The following MAGI2 variants were observed in gnomAD, a reference collection of about 807,000 sequenced individuals.
MAGI2 encodes the protein membrane-associated guanylate kinase, WW and PDZ domain-containing protein 2.
A neutral mutation model predicts 133.3 loss-of-function variants in MAGI2; 35 were observed. The ratio of observed to expected loss-of-function variants is 0.26; its 90% confidence interval spans 0.20 to 0.35. MAGI2 has a LOEUF of 0.35. Among genes scored for constraint, MAGI2 ranks in the 10% least tolerant of loss-of-function variants. The pLI is 1.00. For missense variants in MAGI2, 1,636 were observed against 1,863.4 expected, an observed-to-expected ratio of 0.88 and a Z score of 2.25; for synonymous variants, 729 against 710.6, an observed-to-expected ratio of 1.03 and a Z score of -0.41.
At chr7:78,892,663 A>C (rs1436096092) in intron 2 of MAGI2, among the ~76,000 whole-genome samples, 1 of 152,206 alleles carries the variant, frequency 6.6e-6, no homozygotes, top group Non-Finnish European at 1.5e-5. Context: ...TGCTGGGAAA[A>C]CTGGCTAGCC....
chr7:79,434,090 T>G (rs1847974083), intron 1 of MAGI2, among the ~76,000 whole-genome samples: 1 of 151,900 alleles, frequency 6.6e-6, no homozygotes, highest in African/African-American at 2.4e-5. Flanking sequence ...CTGAAACAAA[T>G]CTTATACTAG....
intron 2 of MAGI2, among the ~76,000 whole-genome samples, chr7:78,797,102 G>C (rs1787679447): frequency 6.6e-6 from 1 of 152,044 alleles, no homozygotes; most frequent in South Asian, 2.1e-4. Flanking sequence ...ATGATTTACT[G>C]AATATTTCAA....
chr7:79,424,963 C>T (rs4236606), intron 1 of MAGI2, among the ~76,000 whole-genome samples: 37,408 of 151,874 alleles, frequency 0.25, 6,682 homozygotes, highest in African/African-American at 0.51. Context: ...TACACTATTG[C>T]GACTAAGTTC....
intron 1 of MAGI2, among the ~76,000 whole-genome samples, chr7:79,398,840 A>T (rs1055044063): frequency 3.3e-5 from 5 of 152,178 alleles, no homozygotes; most frequent in African/African-American, 1.2e-4. Flanking sequence ...ACTACAAGTA[A>T]AAAAGAATTG....
intron 2 of MAGI2, among the ~76,000 whole-genome samples, chr7:78,910,906 A>T (rs763578693): frequency 2.6e-5 from 4 of 152,186 alleles, no homozygotes; most frequent in Non-Finnish European, 4.4e-5. Context: ...TTCTAAATTC[A>T]TTTCCTTTGC....
intron 1 of MAGI2, among the ~76,000 whole-genome samples, chr7:79,139,228 T>C (rs1043830343): frequency 1.3e-5 from 2 of 152,156 alleles, no homozygotes; most frequent in Non-Finnish European, 2.9e-5. Flanking sequence ...CAAATACATG[T>C]TTGTAACCCA....
At chr7:78,447,611 G>T (rs1788285867) in intron 6 of MAGI2, among the ~76,000 whole-genome samples, 1 of 152,142 alleles carries the variant, frequency 6.6e-6, no homozygotes, top group East Asian at 1.9e-4. Flanking sequence ...GTGACATTTG[G>T]GCAAGTTGAC....
At chr7:78,909,798 G>A (rs1003075539) in intron 2 of MAGI2, among the ~76,000 whole-genome samples, 17 of 151,998 alleles carry the variant, frequency 1.1e-4, no homozygotes, top group Admixed American at 2.0e-4. Flanking sequence ...TATACCCAAA[G>A]GAATATAAAT....
chr7:78,938,610 A>G (rs1800718164), intron 2 of MAGI2, among the ~76,000 whole-genome samples: 1 of 152,104 alleles, frequency 6.6e-6, no homozygotes. Flanking sequence ...AGCTATTAGT[A>G]CTAACTAAAA....
intron 2 of MAGI2, among the ~76,000 whole-genome samples, chr7:78,634,833 T>G (rs1373579390): frequency 6.6e-6 from 1 of 152,192 alleles, no homozygotes; most frequent in Non-Finnish European, 1.5e-5. Flanking sequence ...CCTTCTTTTA[T>G]TGCTCTTCTG....
At chr7:78,166,192 G>C (rs537180326) in intron 15 of MAGI2, among the ~76,000 whole-genome samples, 20 of 152,246 alleles carry the variant, frequency 1.3e-4, no homozygotes, top group African/African-American at 4.3e-4. Flanking sequence ...TCAACAGCTC[G>C]GGTTGATTAA....
chr7:78,961,143 C>A (rs1802802440), intron 2 of MAGI2, among the ~76,000 whole-genome samples: 1 of 152,086 alleles, frequency 6.6e-6, no homozygotes, highest in African/African-American at 2.4e-5. Context: ...ACTTAGGGAT[C>A]TTTATTGCAA....
At chr7:79,235,143 C>A (rs1488820214) in intron 1 of MAGI2, among the ~76,000 whole-genome samples, 1 of 152,076 alleles carries the variant, frequency 6.6e-6, no homozygotes, top group East Asian at 1.9e-4. Context: ...AGGAGGCAGT[C>A]TGCCCGTTCT....
intron 2 of MAGI2, among the ~76,000 whole-genome samples, chr7:78,975,197 A>G (rs1804139662): frequency 6.6e-6 from 1 of 151,826 alleles, no homozygotes; most frequent in Non-Finnish European, 1.5e-5. Context: ...TGACATTTAT[A>G]CAATAGTCCA....
At position 78,141,361 on chromosome 7, in the gene MAGI2, C is replaced by T. The variant is rs1380771642; in HGVS notation, c.2846-6155G>A. ...AATATTAATCTTGCTTATTTTCCAT[C>T]GCTGCTTCCTAAAAATTCTGCCTTC... On this transcript the variant is annotated intron_variant, in intron 16 of 21. Coordinates refer to ENST00000354212, the MANE Select transcript of MAGI2 (RefSeq NM_012301.4). Among the ~76,000 whole-genome samples the T allele has an allele frequency of 2.0e-5, 3 of 152,132 alleles. No individual in the cohort carries two copies. The East Asian group carries it at 5.8e-4, about 29-fold the overall frequency.
chr7:78,438,296 A>G (rs1299199317), intron 6 of MAGI2, among the ~76,000 whole-genome samples: 2 of 151,732 alleles, frequency 1.3e-5, no homozygotes, highest in Admixed American at 6.6e-5. Flanking sequence ...TCCTGAGCCC[A>G]TTAGGTTCCT....
intron 3 of MAGI2, among the ~76,000 whole-genome samples, chr7:78,553,632 A>G (rs1584607360): frequency 6.6e-6 from 1 of 152,324 alleles, no homozygotes; most frequent in East Asian, 1.9e-4. Context: ...AAGCCCCAAC[A>G]ATGTTCTAGA....
rs142493469 is a variant in MAGI2 at position 78,501,722 on chromosome 7, C to T, written c.820G>A (p.Ala274Thr). 1,304 of 1,614,086 alleles carry T rather than the reference C, an allele frequency of 8.1e-4. 3 individuals are homozygous for T. Among genetic ancestry groups the T allele is most frequent in the South Asian group, 1.1e-3 (104 of 91,082 alleles). Residue 274 changes from alanine to threonine, a missense_variant, in exon 5 of 22, where the codon GCA becomes ACA. Around this residue, in one of 5 missense-constraint regions of MAGI2, gnomAD observed 165 missense variants for 128.4 expected, o/e 1.28. Coordinates refer to ENST00000354212, the MANE Select transcript of MAGI2 (RefSeq NM_012301.4). The part of the protein sequence containing the change: ...SGEMPSQPYP[A>T]PVYSQPEELK... ...TCCTCAGGCTGACTGTACACTGGTGCAGGATAAGGCTGGGAGGGCATCTCC... is the reference window on the plus strand; with the variant it reads ...TCCTCAGGCTGACTGTACACTGGTGTAGGATAAGGCTGGGAGGGCATCTCC...
chr7:79,353,418 C>T, intron 1 of MAGI2: 1 of 454,930 alleles, frequency 2.2e-6, no homozygotes, highest in Non-Finnish European at 4.4e-6. Context: ...ATCAACAACT[C>T]CCAGAGCTTC....
Sources: gnomAD v4.1 joint callset for allele counts (sites outside exome capture counted in the v4.1 genomes callset) on GRCh38, gnomAD v4.1.1 for gene constraint, gnomAD v4.1.1 regional missense constraint, MANE v1.5 for transcripts, NCBI Gene and HGNC (gene_info 2026-07-23, HGNC 2026-07-21) for gene names.